The following CEP350 variants were observed in gnomAD, a reference collection of about 807,000 sequenced individuals.
The protein encoded by CEP350 is centrosome-associated protein 350.
Under a neutral mutation model 331.8 loss-of-function variants are expected in CEP350, and 126 were observed. The ratio of observed to expected loss-of-function variants is 0.38; its 90% CI spans 0.33 to 0.44. The LOEUF (loss-of-function observed/expected upper bound fraction) is 0.44, where lower values mean the gene tolerates loss of function less well. Among genes scored for constraint, CEP350 ranks in the 20% least tolerant of loss-of-function variants. The probability of loss-of-function intolerance (pLI) is 1.00; values close to 1 mark genes in which losing one functional copy is unlikely to be tolerated. For missense variants in CEP350, 3,406 were observed against 3,634.6 expected (o/e 0.94, Z 1.62); for synonymous variants, 1,200 against 1,259.5 (o/e 0.95, Z 1.00).
intron 30 of CEP350, 109 bp downstream of exon 30, chr1:180,080,770 G>C: frequency 1.1e-6 from 1 of 896,148 alleles, no homozygotes; most frequent in Non-Finnish European, 1.8e-6. Flanking sequence ...GACAGACAGT[G>C]GTGAGTTTAT....
At chr1:180,069,871 TG>T (rs1301733632) in intron 27 of CEP350, among the ~76,000 whole-genome samples, 1 of 152,220 alleles carries the variant, frequency 6.6e-6, no homozygotes, top group Non-Finnish European at 1.5e-5. Context: ...ACTAAGTTTT[TG>T]TAAGTTTTGT....
intron 30 of CEP350, among the ~76,000 whole-genome samples, chr1:180,081,785 C>T (rs980211153): frequency 1.3e-5 from 2 of 152,166 alleles, no homozygotes; most frequent in African/African-American, 4.8e-5. Context: ...TTATGACTCA[C>T]ATGTGTATGT....
Position 180,095,568 on chromosome 1 carries a change from A to C in CEP350, c.8557A>C (p.Arg2853=). The C allele has an allele frequency of 6.2e-7, 1 of 1,613,940 alleles. No homozygotes were observed. The highest frequency in any genetic ancestry group is 8.5e-7 in the Non-Finnish European group (1 of 1,179,860). Residue 2853 remains arginine (R), a synonymous_variant, in exon 35 of 38, where the codon AGA becomes CGA. Transcript: ENST00000367607. Reference sequence around the variant, plus strand: ...CAGTGGGCAGGAAGAACTTGCTAAGAGACTTGCTGAACTTGAACTCAGCCG... The same window carrying C: ...CAGTGGGCAGGAAGAACTTGCTAAGCGACTTGCTGAACTTGAACTCAGCCG... The part of the protein sequence containing the change: ...GASGQEELAK[R]LAELELSREF...
chr1:180,109,416 C>G (rs1661355850), intron 37 of CEP350, among the ~76,000 whole-genome samples: 1 of 152,072 alleles, frequency 6.6e-6, no homozygotes, highest in East Asian at 1.9e-4. Flanking sequence ...CCGCGCTCGG[C>G]CCACTTTCTC....
At position 180,014,340 on chromosome 1, in the gene CEP350, A is replaced by G. The variant is rs989862227; in HGVS notation, c.1887A>G (p.Leu629=). ...CTACAGAACAGAAAAACAAACGATT[A>G]CAAGAGCTCTACCGGAAGCAGAAGG... is the stretch of plus-strand genomic sequence containing the variant. ...KEATEQKNKR[L]QELYRKQKEA... Residue 629 remains leucine (L), a synonymous_variant, in exon 10 of 38, where the codon TTA becomes TTG. Transcript: ENST00000367607. The G allele has an allele frequency of 3.8e-6, 6 of 1,590,646 alleles. No homozygotes were observed. Among genetic ancestry groups the G allele is most frequent in the Admixed American group, 1.8e-5 (1 of 55,552 alleles).
intron 15 of CEP350, among the ~76,000 whole-genome samples, chr1:180,033,511 C>T (rs148279480): frequency 2.0e-5 from 3 of 152,122 alleles, no homozygotes; most frequent in African/African-American, 7.2e-5. Context: ...AATTTTATTG[C>T]TGTAGAGTGT....
At chr1:180,106,775 A>G (rs1483549886) in intron 37 of CEP350, among the ~76,000 whole-genome samples, 2 of 151,462 alleles carry the variant, frequency 1.3e-5, no homozygotes, top group East Asian at 1.9e-4. Context: ...ATTTTTTTCT[A>G]GATAGTACAT....
Position 179,996,851 on chromosome 1 carries a change from A to G in CEP350, c.694A>G (p.Ser232Gly). 6.2e-7 allele frequency: 1 copy of G among 1,613,794 alleles called. No homozygotes were observed. The highest frequency in any genetic ancestry group is 1.1e-5 in the South Asian group (1 of 91,062). The change falls in exon 6 of 38, where the codon AGT becomes GGT. Residue 232 changes from serine to glycine, a missense_variant. Around this residue, in one of 5 missense-constraint regions of CEP350, gnomAD observed 1,857 missense variants for 1,909.2 expected, o/e 0.97. Coordinates refer to ENST00000367607, the MANE Select transcript of CEP350 (RefSeq NM_014810.5). Reference protein sequence around the residue: ...EEEMPNRTKGSENNLKLSVNN... With the variant: ...EEEMPNRTKGGENNLKLSVNN... ...AGAAATGCCTAACAGAACAAAAGGA[A>G]GTGAGAATAATTTGAAGCTTTCTGT...
intron 11 of CEP350, 67 bp downstream of exon 11, chr1:180,016,037 C>G (rs1379081448): frequency 7.0e-6 from 11 of 1,572,568 alleles, no homozygotes; most frequent in Non-Finnish European, 9.5e-6. Flanking sequence ...GGTCTATGTT[C>G]AGAGAATTTT....
chr1:179,997,786 G>A (rs565341425), intron 6 of CEP350, among the ~76,000 whole-genome samples: 1 of 152,106 alleles, frequency 6.6e-6, no homozygotes, highest in African/African-American at 2.4e-5. Flanking sequence ...CATTGTATTT[G>A]GATTGTTATT....
intron 30 of CEP350, among the ~76,000 whole-genome samples, 168 bp from the exon 31 acceptor site, chr1:180,083,850 T>C (rs2149095374): frequency 6.6e-6 from 1 of 152,184 alleles, no homozygotes. Context: ...AGGGTGGGAA[T>C]TATAGGGATA....
At chr1:180,083,878 T>A (rs1037407534) in intron 30 of CEP350, 140 bp from the exon 31 acceptor site, 4 of 470,004 alleles carry the variant, frequency 8.5e-6, no homozygotes, top group African/African-American at 8.0e-5. Flanking sequence ...GTAATAAATC[T>A]TCTTCCGAAG....
rs74525002 is a variant in CEP350 at position 180,093,080 on chromosome 1, T to C, written c.6975T>C (p.Ser2325=). 3,657 of 1,604,618 alleles carry C rather than the reference T, an allele frequency of 2.3e-3. 58 individuals carry two copies. In the African/African-American group the frequency reaches 0.034, roughly 15 times the overall value. The change falls in exon 34 of 38, where the codon AGT becomes AGC. Residue 2325 remains serine (S), a synonymous_variant. Transcript: ENST00000367607. ...TAGCTATTGAAAATCTCCATAAAAG[T>C]GAGGAAATGTTGAAAGAGAGACAGT... ...VGLAIENLHK[S]EEMLKERQSD... is the part of the protein sequence containing the mutation.
chr1:180,030,755 A>G (rs1334163737), intron 14 of CEP350, among the ~76,000 whole-genome samples: 2 of 152,112 alleles, frequency 1.3e-5, no homozygotes, highest in African/African-American at 2.4e-5. Context: ...TTCTCTTGTT[A>G]GAAATGTAGA....
chr1:180,093,368 C>T lies in CEP350; in HGVS notation c.7263C>T (p.Ser2421=). The change falls in exon 34 of 38, where the codon AGC becomes AGT. Residue 2421 remains serine, a synonymous_variant. Transcript: ENST00000367607. ...GAGATAAGCCACAGCCAATGAGGAG[C>T]TCTACAAGTGGAGCCACTAGCTTTG... The part of the protein sequence containing the change: ...SCRDKPQPMR[S]STSGATSFGS... 6.2e-7 allele frequency: 1 copy of T among 1,600,676 alleles called. No homozygotes were observed. Among genetic ancestry groups the T allele is most frequent in the South Asian group, 1.1e-5 (1 of 88,620 alleles).
At chr1:180,041,630 T>C in intron 18 of CEP350, 32 bp from the exon 19 acceptor site, 1 of 1,586,090 alleles carries the variant, frequency 6.3e-7, no homozygotes, top group Non-Finnish European at 8.6e-7. Context: ...GATTAAAACA[T>C]AACTTCTTTT....
Position 180,091,328 on chromosome 1 carries a change from C to T in CEP350, c.6508+532C>T, listed in dbSNP as rs1390255199. On this transcript the variant is annotated intron_variant, in intron 33 of 37. Coordinates refer to ENST00000367607, the MANE Select transcript of CEP350 (RefSeq NM_014810.5). ...AAGTGGTGAGATTATGGGCATGAGC[C>T]ACCACACTCAGCTGAATCAGTCTTT... Among the ~76,000 whole-genome samples, 3 of 152,042 alleles carry T rather than the reference C, an allele frequency of 2.0e-5. No individual in the cohort carries two copies. In the East Asian group the frequency reaches 5.8e-4, roughly 29 times the overall value.
Position 180,093,144 on chromosome 1 carries a change from G to C in CEP350, c.7039G>C (p.Gly2347Arg), listed in dbSNP as rs1434535730. Reference sequence around the variant, plus strand: ...GAATCATAGTCCAAACATCCAATCAGGAAAAGACATTCACGAACAAAAGAA... The same window carrying C: ...GAATCATAGTCCAAACATCCAATCACGAAAAGACATTCACGAACAAAAGAA... ...DMNHSPNIQS[G>R]KDIHEQKNTK... The change falls in exon 34 of 38, where the codon GGA (glycine) becomes CGA (arginine). Residue 2347 changes from glycine to arginine, a missense_variant. Gly to Arg is a moderately radical substitution (Grantham distance 125, BLOSUM62 -2). Around this residue, in one of 5 missense-constraint regions of CEP350, gnomAD observed 1,415 missense variants for 1,512.3 expected, o/e 0.94. Transcript: ENST00000367607. 2.5e-6 allele frequency: 4 copies of C among 1,600,370 alleles called. No homozygotes were observed. The highest frequency in any genetic ancestry group is 3.3e-4 in the Middle Eastern group (2 of 6,060).
intron 6 of CEP350, among the ~76,000 whole-genome samples, chr1:179,998,954 T>C (rs756252833): frequency 1.3e-4 from 20 of 152,104 alleles, no homozygotes; most frequent in Non-Finnish European, 2.8e-4. Flanking sequence ...TAATTAATAA[T>C]ATTTTTTATT....
Sources: gnomAD v4.1 joint callset for allele counts (sites outside exome capture counted in the v4.1 genomes callset) on GRCh38, gnomAD v4.1.1 for gene constraint, gnomAD v4.1.1 regional missense constraint, MANE v1.5 for transcripts, NCBI Gene and HGNC (gene_info 2026-07-23, HGNC 2026-07-21) for gene names.